HTR2C: variants seen among roughly 807,000 people sequenced by gnomAD.
HTR2C encodes the protein 5-hydroxytryptamine receptor 2C.
A neutral mutation model predicts 21.0 loss-of-function variants in HTR2C; 5 were observed. The ratio of observed to expected loss-of-function variants is 0.24; its 90% CI spans 0.12 to 0.50. The LOEUF (loss-of-function observed/expected upper bound fraction) is 0.50, where lower values mean the gene tolerates loss of function less well. Among genes scored for constraint, HTR2C ranks in the 20% least tolerant of loss-of-function variants. HTR2C has a pLI of 0.98. For missense variants in HTR2C, 271 were observed against 371.2 expected (o/e 0.73, Z 2.22); for synonymous variants, 150 against 145.3 (o/e 1.03, Z -0.23).
At chrX:114,786,556 G>A (rs1228288202) in intron 4 of HTR2C, among the ~76,000 whole-genome samples, 4 of 111,586 alleles carry the variant, frequency 3.6e-5, no homozygotes, top group East Asian at 2.8e-4. Flanking sequence ...AAGTGACAGA[G>A]GTAACCACTT....
chrX:114,709,662 A>G (rs1340157120), intron 2 of HTR2C, among the ~76,000 whole-genome samples: 5 of 111,608 alleles, frequency 4.5e-5, no homozygotes, highest in Non-Finnish European at 7.5e-5. Context: ...GGGCTTCCAG[A>G]CATCTAGGAA....
At chrX:114,616,909 G>A (rs1172791866) in intron 2 of HTR2C, among the ~76,000 whole-genome samples, 2 of 111,950 alleles carry the variant, frequency 1.8e-5, no homozygotes, top group Non-Finnish European at 3.8e-5. Context: ...AATGTAATGA[G>A]GAAATAGTAT....
At chrX:114,783,951 A>C (rs942203059) in intron 4 of HTR2C, among the ~76,000 whole-genome samples, 1 of 111,142 alleles carries the variant, frequency 9.0e-6, no homozygotes, top group Non-Finnish European at 1.9e-5. Context: ...CAAAATTATC[A>C]GGCTTAAATG....
At chrX:114,606,833 G>A (rs957658650) in intron 1 of HTR2C, among the ~76,000 whole-genome samples, 3 of 111,390 alleles carry the variant, frequency 2.7e-5, no homozygotes, top group South Asian at 3.8e-4. Context: ...AACAGGCTTC[G>A]TGTGAGCAAC....
chrX:114,742,486 T>A (rs2069658142), intron 4 of HTR2C, among the ~76,000 whole-genome samples: 1 of 111,042 alleles, frequency 9.0e-6, no homozygotes, highest in Non-Finnish European at 1.9e-5. Context: ...AAGTCTGAAT[T>A]TAACTGGGTT....
intron 2 of HTR2C, among the ~76,000 whole-genome samples, chrX:114,672,032 T>C (rs1260170745): frequency 1.8e-5 from 2 of 111,497 alleles, no homozygotes; most frequent in Non-Finnish European, 3.8e-5. Flanking sequence ...ACTATTTATA[T>C]TAATATGTAT....
At chrX:114,701,155 C>G (rs1426650983) in intron 2 of HTR2C, among the ~76,000 whole-genome samples, 1 of 112,321 alleles carries the variant, frequency 8.9e-6, no homozygotes, top group Non-Finnish European at 1.9e-5. Flanking sequence ...AAAAAGACAG[C>G]AGTAACCTCT....
chrX:114,880,695 G>A (rs1021001033), intron 5 of HTR2C, among the ~76,000 whole-genome samples: 16 of 111,171 alleles, frequency 1.4e-4, no homozygotes, highest in Non-Finnish European at 2.9e-4. Flanking sequence ...GTAGTCTTAC[G>A]TGATTGGCAT....
chrX:114,595,091 A>G (rs1280666971), intron 1 of HTR2C, among the ~76,000 whole-genome samples: 3 of 112,040 alleles, frequency 2.7e-5, no homozygotes, highest in Non-Finnish European at 5.6e-5. Context: ...AGTTAGGGCC[A>G]GTATTACTAC....
At chrX:114,644,920 G>T (rs1930305148) in intron 2 of HTR2C, among the ~76,000 whole-genome samples, 1 of 110,777 alleles carries the variant, frequency 9.0e-6, no homozygotes, top group Non-Finnish European at 1.9e-5. Context: ...ACAATGAAAA[G>T]ATGAGTCAAC....
In HTR2C at chrX:114,895,172, A is replaced by T. The variant is rs183011868; in HGVS notation, c.551-11417A>T. ...GTGTACATCCCTTCTTATATTTTTT[A>T]AAGTCTAGTAATAACAAGTGAAAAA... is the stretch of plus-strand genomic sequence containing the variant. On this transcript the variant is annotated intron_variant, in intron 5 of 5. Coordinates refer to ENST00000276198, the MANE Select transcript of HTR2C (RefSeq NM_000868.4). 4.5e-5 allele frequency among the ~76,000 whole-genome samples: 5 copies of T among 112,163 alleles called. No individual in the cohort carries two copies. In the East Asian group the frequency reaches 1.1e-3, roughly 25 times the overall value.
intron 1 of HTR2C, among the ~76,000 whole-genome samples, chrX:114,604,927 A>T: frequency 9.0e-6 from 1 of 111,496 alleles, no homozygotes; most frequent in East Asian, 2.8e-4. Flanking sequence ...GAGGTTAATT[A>T]AATCCTGTTG....
At chrX:114,641,989 T>TG (rs781922392) in intron 2 of HTR2C, among the ~76,000 whole-genome samples, 1 of 111,560 alleles carries the variant, frequency 9.0e-6, no homozygotes, top group East Asian at 2.8e-4. Context: ...AGCGAGAACA[T>TG]GTGGTGTTTC....
chrX:114,633,307 G>A (rs1042348578), intron 2 of HTR2C, among the ~76,000 whole-genome samples: 1 of 112,074 alleles, frequency 8.9e-6, no homozygotes, highest in Non-Finnish European at 1.9e-5. Flanking sequence ...TAAAGACTAT[G>A]AATTCTCTTT....
At chrX:114,861,115 A>G (rs2071003195) in intron 5 of HTR2C, among the ~76,000 whole-genome samples, 1 of 111,092 alleles carries the variant, frequency 9.0e-6, no homozygotes, top group African/African-American at 3.3e-5. Context: ...CCTATCGTCC[A>G]CATGTTGTAC....
intron 2 of HTR2C, among the ~76,000 whole-genome samples, chrX:114,722,895 T>C: frequency 9.1e-6 from 1 of 109,331 alleles, no homozygotes; most frequent in Non-Finnish European, 1.9e-5. Context: ...AGCTTTTTGA[T>C]GTGCTGCTGG....
intron 4 of HTR2C, among the ~76,000 whole-genome samples, chrX:114,779,070 G>T (rs138950175): frequency 1.3e-3 from 140 of 111,428 alleles, no homozygotes; most frequent in African/African-American, 4.3e-3. Context: ...AAGATATTTG[G>T]CAAAACATCA....
intron 4 of HTR2C, among the ~76,000 whole-genome samples, chrX:114,806,233 C>T (rs1054564322): frequency 1.0e-5 from 1 of 97,542 alleles, no homozygotes; most frequent in Non-Finnish European, 2.0e-5. Context: ...CATATATATA[C>T]CATATATATA....
chrX:114,906,744 C>T lies in HTR2C; in HGVS notation c.706C>T (p.Leu236=), dbSNP rs2071376599. ...PLTIMVITYC[L]TIYVLRRQAL... ...GACGATTATGGTGATTACGTATTGC[C>T]TGACCATCTACGTTCTGCGCCGACA... The change falls in exon 6 of 6, where the codon CTG becomes TTG. Residue 236 remains leucine (L), a synonymous_variant. Coordinates refer to ENST00000276198, the MANE Select transcript of HTR2C (RefSeq NM_000868.4). The T allele has an allele frequency of 8.3e-6, 10 of 1,208,918 alleles. No homozygotes were observed. Among genetic ancestry groups the T allele is most frequent in the Non-Finnish European group, 1.1e-5 (10 of 894,933 alleles).
Sources: allele counts gnomAD v4.1 joint callset (sites outside exome capture counted in the v4.1 genomes callset), GRCh38; gene constraint gnomAD v4.1.1; transcripts MANE v1.5; gene names NCBI Gene and HGNC (gene_info 2026-07-23, HGNC 2026-07-21).